Variants in CDH18 observed in about 807,000 individuals in gnomAD.
CDH18 encodes the protein cadherin-18.
In CDH18, 31 loss-of-function variants were observed where a neutral mutation model predicts 67.9. The observed-to-expected ratio is 0.46, with a 90% confidence interval of 0.34 to 0.62. CDH18 has a LOEUF of 0.62. Ranked by LOEUF, CDH18 falls within the 20% of genes least tolerant of loss-of-function variation. The probability of loss-of-function intolerance (pLI) is 0.01; values close to 1 mark genes in which losing one functional copy is unlikely to be tolerated. For missense variants in CDH18, 890 were observed against 975.5 expected, an observed-to-expected ratio of 0.91 and a Z score of 1.17; for synonymous variants, 362 against 347.2, an observed-to-expected ratio of 1.04 and a Z score of -0.48.
intron 8 of CDH18, among the ~76,000 whole-genome samples, chr5:19,567,299 AAG>A (rs1740587171): frequency 6.6e-6 from 1 of 152,212 alleles, no homozygotes; most frequent in South Asian, 2.1e-4. Context: ...ATGAAATCTG[AAG>A]AGTCTTACTA....
chr5:19,626,063 A>C (rs1024616362), intron 5 of CDH18, among the ~76,000 whole-genome samples: 1 of 152,072 alleles, frequency 6.6e-6, no homozygotes, highest in Non-Finnish European at 1.5e-5. Flanking sequence ...TGTCACTTTA[A>C]CTTGATGATT....
chr5:20,473,014 A>G (rs1017735276), intron 1 of CDH18, among the ~76,000 whole-genome samples: 1 of 152,210 alleles, frequency 6.6e-6, no homozygotes, highest in African/African-American at 2.4e-5. Context: ...CTATACAATA[A>G]TCCATACAAT....
At chr5:19,987,400 A>C (rs1254471621) in intron 1 of CDH18, among the ~76,000 whole-genome samples, 1 of 152,176 alleles carries the variant, frequency 6.6e-6, no homozygotes, top group Non-Finnish European at 1.5e-5. Context: ...AGAGTTAACA[A>C]ACATAAATAA....
At chr5:19,738,716 G>A (rs565043599) in intron 4 of CDH18, among the ~76,000 whole-genome samples, 2 of 152,256 alleles carry the variant, frequency 1.3e-5, no homozygotes, top group South Asian at 4.1e-4. Flanking sequence ...GGGTAACCAT[G>A]TACTCTGGGG....
intron 2 of CDH18, among the ~76,000 whole-genome samples, chr5:20,111,732 A>C (rs1280573351): frequency 6.6e-6 from 1 of 151,568 alleles, no homozygotes; most frequent in Non-Finnish European, 1.5e-5. Context: ...TTTAGTAGAG[A>C]TGGGGTTTCA....
At chr5:19,920,228 A>G (rs1792279138) in intron 2 of CDH18, among the ~76,000 whole-genome samples, 1 of 152,228 alleles carries the variant, frequency 6.6e-6, no homozygotes, top group African/African-American at 2.4e-5. Context: ...TGACTTTATT[A>G]TATAATTTAG....
intron 2 of CDH18, among the ~76,000 whole-genome samples, chr5:20,093,212 C>T (rs1413663031): frequency 6.6e-6 from 1 of 151,918 alleles, no homozygotes; most frequent in Admixed American, 6.6e-5. Flanking sequence ...CTCACTCACA[C>T]ACATACACAC....
At chr5:19,913,624 A>G (rs1213219938) in intron 2 of CDH18, among the ~76,000 whole-genome samples, 4 of 152,142 alleles carry the variant, frequency 2.6e-5, no homozygotes, top group Non-Finnish European at 4.4e-5. Flanking sequence ...TGTGCCTATA[A>G]GAATAGAAAG....
intron 3 of CDH18, among the ~76,000 whole-genome samples, chr5:19,798,893 A>T (rs932454975): frequency 1.1e-4 from 17 of 152,094 alleles, no homozygotes; most frequent in African/African-American, 2.2e-4. Flanking sequence ...GCATATGTAA[A>T]CACAATTATA....
chr5:20,503,442 T>C (rs1489897738), intron 1 of CDH18, among the ~76,000 whole-genome samples: 1 of 152,198 alleles, frequency 6.6e-6, no homozygotes, highest in Non-Finnish European at 1.5e-5. Context: ...AATTAATCCC[T>C]ATGAGTTATC....
At chr5:19,483,681 C>A (rs1271442708) in intron 11 of CDH18, 129 bp from the exon 12 acceptor site, 2 of 901,418 alleles carry the variant, frequency 2.2e-6, no homozygotes, top group Non-Finnish European at 1.6e-6. Context: ...CAAGGGAACA[C>A]GAAGGGGCAA....
At chr5:19,758,139 G>T (rs10059718) in intron 3 of CDH18, among the ~76,000 whole-genome samples, 1 of 152,120 alleles carries the variant, frequency 6.6e-6, no homozygotes, top group African/African-American at 2.4e-5. Context: ...GGACCTGCTA[G>T]AGCCTGATCA....
At chr5:19,523,105 G>C (rs556243608) in intron 9 of CDH18, among the ~76,000 whole-genome samples, 11 of 152,040 alleles carry the variant, frequency 7.2e-5, no homozygotes, top group African/African-American at 2.7e-4. Context: ...TCAATAAATA[G>C]TACAACTTGT....
intron 1 of CDH18, among the ~76,000 whole-genome samples, chr5:20,281,056 T>C (rs1264072776): frequency 1.3e-5 from 2 of 152,156 alleles, no homozygotes; most frequent in Non-Finnish European, 2.9e-5. Flanking sequence ...ATGGGGTTGT[T>C]TGTTTTTTTC....
chr5:19,762,127 A>C (rs2149707821), intron 3 of CDH18, among the ~76,000 whole-genome samples: 1 of 152,292 alleles, frequency 6.6e-6, no homozygotes, highest in Admixed American at 6.5e-5. Context: ...TAGACCTAAA[A>C]CCATAAAAAC....
chr5:20,388,697 T>A (rs567717476), intron 1 of CDH18, among the ~76,000 whole-genome samples: 1 of 152,326 alleles, frequency 6.6e-6, no homozygotes, highest in South Asian at 2.1e-4. Context: ...CTTTCTCTTG[T>A]GGGCATTTAG....
intron 11 of CDH18, among the ~76,000 whole-genome samples, chr5:19,497,593 C>A (rs1742559639): frequency 6.6e-6 from 1 of 152,150 alleles, no homozygotes; most frequent in South Asian, 2.1e-4. Context: ...AAAGATCCGA[C>A]AAAACCATGG....
At chr5:20,154,182 G>T (rs1341374105) in intron 2 of CDH18, among the ~76,000 whole-genome samples, 2 of 152,062 alleles carry the variant, frequency 1.3e-5, no homozygotes, top group Non-Finnish European at 2.9e-5. Flanking sequence ...ATCCAGAAAG[G>T]TCCTTGGTAT....
At chr5:19,787,319 G>T (rs1347756014) in intron 3 of CDH18, among the ~76,000 whole-genome samples, 1 of 152,014 alleles carries the variant, frequency 6.6e-6, no homozygotes, top group Non-Finnish European at 1.5e-5. Context: ...GGGCGTGGTG[G>T]TGCGCACCTG....
Sources: gnomAD v4.1 joint callset for allele counts (sites outside exome capture counted in the v4.1 genomes callset) on GRCh38, gnomAD v4.1.1 for gene constraint, MANE v1.5 for transcripts, NCBI Gene and HGNC (gene_info 2026-07-23, HGNC 2026-07-21) for gene names.